The following DNAJC15 variants were observed in gnomAD, a reference collection of about 807,000 sequenced individuals.
DNAJC15 encodes the protein DnaJ heat shock protein family (Hsp40) member C15.
DNAJC15 carries 27 observed loss-of-function variants against 22.4 expected under a neutral mutation model. The ratio of observed to expected loss-of-function variants is 1.20; its 90% confidence interval spans 0.89 to 1.66. DNAJC15 has a LOEUF of 1.66. Among genes scored for constraint, DNAJC15 ranks in the 40% most tolerant of loss-of-function variants. The probability of loss-of-function intolerance (pLI) is 0.00; values close to 1 mark genes in which losing one functional copy is unlikely to be tolerated. For synonymous variants in DNAJC15, 79 were observed against 63.2 expected (o/e 1.25, Z -1.19); for missense variants, 208 against 187.1 (o/e 1.11, Z -0.65).
chr13:43,082,723 A>G (rs2040667680), intron 4 of DNAJC15, among the ~76,000 whole-genome samples: 1 of 152,150 alleles, frequency 6.6e-6, no homozygotes, highest in Non-Finnish European at 1.5e-5. Flanking sequence ...TATCAAGGAA[A>G]TTTTGACGGA....
chr13:43,071,201 C>A (rs9525732), intron 3 of DNAJC15, among the ~76,000 whole-genome samples: 37,293 of 151,928 alleles, frequency 0.25, 4,951 homozygotes, highest in Non-Finnish European at 0.31. Context: ...CAGATAAGGC[C>A]GGGTAATTCA....
At chr13:43,031,155 C>T (rs555726137) in intron 1 of DNAJC15, among the ~76,000 whole-genome samples, 1 of 152,212 alleles carries the variant, frequency 6.6e-6, no homozygotes, top group South Asian at 2.1e-4. Context: ...AGAGCACTTG[C>T]TTTTCTAAAG....
At chr13:43,036,784 A>G (rs2040430913) in intron 1 of DNAJC15, among the ~76,000 whole-genome samples, 1 of 152,268 alleles carries the variant, frequency 6.6e-6, no homozygotes, top group Non-Finnish European at 1.5e-5. Flanking sequence ...CCCAAAGTCT[A>G]GAGGGGGCTG....
intron 5 of DNAJC15, among the ~76,000 whole-genome samples, chr13:43,091,160 C>T (rs555929513): frequency 1.3e-5 from 2 of 152,298 alleles, no homozygotes; most frequent in South Asian, 2.1e-4. Context: ...TCTCTGCTCA[C>T]TGCAACCTCC....
chr13:43,025,222 G>A lies in DNAJC15; in HGVS notation c.108+1488G>A, dbSNP rs190243095. On this transcript the variant is annotated intron_variant, in intron 1 of 5. Coordinates refer to ENST00000379221, the MANE Select transcript of DNAJC15 (RefSeq NM_013238.3). ...TAAGGATTTCTGGATATAGTATTCAGTGTATGATACAGCTGAACAAGATCA... is the reference window on the plus strand; with the variant it reads ...TAAGGATTTCTGGATATAGTATTCAATGTATGATACAGCTGAACAAGATCA... Among the ~76,000 whole-genome samples the A allele has an allele frequency of 3.9e-3, 595 of 152,306 alleles. 1 individual carries two copies. Among genetic ancestry groups the A allele is most frequent in the Non-Finnish European group, 7.2e-3 (489 of 68,030 alleles).
chr13:43,048,457 G>A (rs1005306714), intron 1 of DNAJC15, among the ~76,000 whole-genome samples: 5 of 152,214 alleles, frequency 3.3e-5, no homozygotes, highest in African/African-American at 9.6e-5. Context: ...GCGCCATTGC[G>A]CTCTGGCTTG....
intron 1 of DNAJC15, among the ~76,000 whole-genome samples, chr13:43,040,579 T>C (rs1276374025): frequency 6.6e-6 from 1 of 152,146 alleles, no homozygotes; most frequent in Non-Finnish European, 1.5e-5. Flanking sequence ...CCTGTGGGCG[T>C]TTCTCGTTAG....
Position 43,107,802 on chromosome 13 carries a change from C to T in DNAJC15, c.*554C>T, listed in dbSNP as rs1213718382. ...GGGGTTAAGGACTTGTTAAAGAACC[C>T]CACTATCTCTGAGACCCTATAGCCA... On this transcript the variant is annotated 3_prime_UTR_variant, in exon 6 of 6. Transcript: ENST00000379221. The T allele has an allele frequency of 6.6e-6, 1 of 152,084 alleles. No homozygotes were observed. The highest frequency in any genetic ancestry group is 1.5e-5 in the Non-Finnish European group (1 of 68,006). The allele number at this position is 152,084 out of a possible 1,614,324, so 9.4% of individuals were successfully genotyped here.
At chr13:43,059,644 A>G (rs1251716364) in intron 1 of DNAJC15, among the ~76,000 whole-genome samples, 2 of 152,162 alleles carry the variant, frequency 1.3e-5, no homozygotes, top group African/African-American at 4.8e-5. Flanking sequence ...AATCCCCTCA[A>G]ATTGTATACA....
intron 1 of DNAJC15, among the ~76,000 whole-genome samples, chr13:43,063,012 C>A (rs1339610560): frequency 4.7e-5 from 7 of 149,592 alleles, no homozygotes; most frequent in Admixed American, 2.0e-4. Context: ...AGCCACCACA[C>A]CCAGCCTTTA....
chr13:43,046,507 G>T (rs1022492306), intron 1 of DNAJC15, among the ~76,000 whole-genome samples: 1 of 151,760 alleles, frequency 6.6e-6, no homozygotes, highest in Non-Finnish European at 1.5e-5. Context: ...CTCAGCTCAC[G>T]CCCAACCAAT....
chr13:43,099,299 A>G (rs893101250), intron 5 of DNAJC15, among the ~76,000 whole-genome samples: 3 of 152,108 alleles, frequency 2.0e-5, no homozygotes, highest in African/African-American at 7.2e-5. Flanking sequence ...ATTCTTTAGG[A>G]TTTTCAGTAT....
intron 1 of DNAJC15, among the ~76,000 whole-genome samples, chr13:43,024,160 G>A (rs534153510): frequency 1.3e-5 from 2 of 152,054 alleles, no homozygotes; most frequent in Admixed American, 1.3e-4. Flanking sequence ...CAAGGAGAAG[G>A]GGAAAAAGTG....
At chr13:43,095,390 G>C (rs2040734774) in intron 5 of DNAJC15, among the ~76,000 whole-genome samples, 1 of 152,116 alleles carries the variant, frequency 6.6e-6, no homozygotes, top group South Asian at 2.1e-4. Context: ...ATTGTAAACA[G>C]GTTTAGGAGA....
chr13:43,076,039 A>G (rs2040632687), intron 3 of DNAJC15, among the ~76,000 whole-genome samples: 1 of 152,140 alleles, frequency 6.6e-6, no homozygotes, highest in African/African-American at 2.4e-5. Context: ...CTCTCTATGT[A>G]TGTTTAGAAA....
At chr13:43,104,770 G>C (rs1353099110) in intron 5 of DNAJC15, among the ~76,000 whole-genome samples, 2 of 150,564 alleles carry the variant, frequency 1.3e-5, no homozygotes, top group Admixed American at 6.6e-5. Context: ...ACTCACTGCA[G>C]CCTCAACCTC....
rs193083925 is a variant in DNAJC15, at chr13:43,059,842, T to C, written c.109-5844T>C. ...GGATAGGCGGTGCAGTTAGGAGCAA[T>C]GTTTCGCGGGCATGGGGTGGATCTC... On this transcript the variant is annotated intron_variant, in intron 1 of 5. Transcript: ENST00000379221. 3.4e-3 allele frequency among the ~76,000 whole-genome samples: 517 copies of C among 152,232 alleles called. 4 individuals are homozygous for C. Among genetic ancestry groups the C allele is most frequent in the Non-Finnish European group, 4.6e-3 (316 of 68,012 alleles).
intron 1 of DNAJC15, among the ~76,000 whole-genome samples, chr13:43,061,783 C>T (rs1441988151): frequency 6.6e-6 from 1 of 152,256 alleles, no homozygotes; most frequent in East Asian, 1.9e-4. Flanking sequence ...ATCTACGCAG[C>T]TCCTGCCAAG....
chr13:43,102,914 G>A (rs2040777003), intron 5 of DNAJC15, among the ~76,000 whole-genome samples: 1 of 152,040 alleles, frequency 6.6e-6, no homozygotes, highest in Non-Finnish European at 1.5e-5. Flanking sequence ...CAAAATCATG[G>A]CCAGGATTTT....
Sources: gnomAD v4.1 joint callset for allele counts (sites outside exome capture counted in the v4.1 genomes callset) on GRCh38, gnomAD v4.1.1 for gene constraint, MANE v1.5 for transcripts, NCBI Gene and HGNC (gene_info 2026-07-23, HGNC 2026-07-21) for gene names.